The following PXDNL variants were observed in gnomAD, a reference collection of about 807,000 sequenced individuals.
PXDNL encodes probable oxidoreductase PXDNL.
A neutral mutation model predicts 150.8 loss-of-function variants in PXDNL; 145 were observed. That is an observed-to-expected ratio of 0.96 (90% confidence interval 0.84 to 1.10). The LOEUF (loss-of-function observed/expected upper bound fraction) is 1.10, where lower values mean the gene tolerates loss of function less well. Among genes scored for constraint, PXDNL ranks in the 50% least tolerant of loss-of-function variants. PXDNL has a pLI of 0.00. For synonymous variants in PXDNL, 757 were observed against 725.7 expected, an observed-to-expected ratio of 1.04 and a Z score of -0.69; for missense variants, 2,087 against 1,873.9, an observed-to-expected ratio of 1.11 and a Z score of -2.10.
At chr8:51,761,025 ATTTTTTTT>A (rs71237238) in intron 1 of PXDNL, among the ~76,000 whole-genome samples, 1 of 114,494 alleles carries the variant, frequency 8.7e-6, no homozygotes, top group Non-Finnish European at 1.7e-5. Context: ...CGCCCGGCTA[ATTTTTTTT>A]TTTTTTTTTT....
intron 16 of PXDNL, among the ~76,000 whole-genome samples, chr8:51,410,842 A>G (rs1443325435): frequency 3.3e-5 from 5 of 152,256 alleles, no homozygotes; most frequent in African/African-American, 1.2e-4. Flanking sequence ...GGGAGGTATT[A>G]TAAATATTAT....
At chr8:51,650,161 T>C (rs1215270972) in intron 2 of PXDNL, among the ~76,000 whole-genome samples, 1 of 151,070 alleles carries the variant, frequency 6.6e-6, no homozygotes, top group Non-Finnish European at 1.5e-5. Context: ...ATAGGAGTAC[T>C]GTATCTTAAA....
In PXDNL at chr8:51,530,788, A is replaced by T. The variant is rs369059720; in HGVS notation, c.380+26052T>A. On this transcript the variant is annotated intron_variant, in intron 4 of 22. Coordinates refer to ENST00000356297, the MANE Select transcript of PXDNL (RefSeq NM_144651.5). ...TACACCCTATTTAACACCACATCCCACCCTTGCACCATTTCCCAGTAGCTA... is the reference window on the plus strand; with the variant it reads ...TACACCCTATTTAACACCACATCCCTCCCTTGCACCATTTCCCAGTAGCTA... Among the ~76,000 whole-genome samples, 13 of 151,624 alleles carry T rather than the reference A, an allele frequency of 8.6e-5. No homozygotes were observed. In the East Asian group the frequency reaches 1.9e-3, roughly 23 times the overall value.
chr8:51,802,206 AAC>A (rs1174266426), intron 1 of PXDNL, among the ~76,000 whole-genome samples: 2 of 152,064 alleles, frequency 1.3e-5, no homozygotes, highest in South Asian at 2.1e-4. Context: ...GCATGCATAA[AAC>A]AGTCAGAATT....
intron 3 of PXDNL, among the ~76,000 whole-genome samples, chr8:51,574,655 A>G (rs1813012630): frequency 1.3e-5 from 2 of 152,082 alleles, no homozygotes; most frequent in Admixed American, 1.3e-4. Flanking sequence ...AAAAAAAAAG[A>G]AAATCTCGAA....
At chr8:51,560,832 G>A (rs1812701708) in intron 3 of PXDNL, among the ~76,000 whole-genome samples, 1 of 151,852 alleles carries the variant, frequency 6.6e-6, no homozygotes, top group African/African-American at 2.4e-5. Context: ...ACAGTCAGCA[G>A]AGTGAAAAGG....
chr8:51,453,866 A>G, intron 9 of PXDNL, 81 bp from the exon 10 acceptor site: 1 of 1,449,852 alleles, frequency 6.9e-7, no homozygotes, highest in Non-Finnish European at 9.3e-7. Flanking sequence ...TGGTTTTAAG[A>G]TTATTGTCAT....
chr8:51,522,759 G>A (rs551902420), intron 4 of PXDNL, among the ~76,000 whole-genome samples: 4 of 152,128 alleles, frequency 2.6e-5, no homozygotes, highest in Admixed American at 2.6e-4. Flanking sequence ...CAGGAGAATC[G>A]CTTGAACTCA....
At chr8:51,453,447 T>C (rs1809853413) in intron 10 of PXDNL, 72 bp downstream of exon 10, 1 of 1,456,316 alleles carries the variant, frequency 6.9e-7, no homozygotes, top group Admixed American at 1.7e-5. Flanking sequence ...TACATGACAT[T>C]ATTTAAGTTG....
intron 1 of PXDNL, among the ~76,000 whole-genome samples, chr8:51,802,040 C>A (rs1238736127): frequency 6.6e-6 from 1 of 152,078 alleles, no homozygotes; most frequent in African/African-American, 2.4e-5. Flanking sequence ...GCATGTCTCT[C>A]ATAGCATATG....
intron 5 of PXDNL, among the ~76,000 whole-genome samples, chr8:51,486,753 TATATATA>T (rs1810747927): frequency 3.8e-3 from 82 of 21,776 alleles, no homozygotes; most frequent in African/African-American, 0.01. Flanking sequence ...AAAAAGTTTA[TATATATA>T]TATATATATA....
intron 2 of PXDNL, among the ~76,000 whole-genome samples, chr8:51,595,568 C>T (rs1436136120): frequency 1.3e-5 from 2 of 152,000 alleles, no homozygotes; most frequent in African/African-American, 2.4e-5. Context: ...TGCTTATTTT[C>T]ATTTGGATAC....
At chr8:51,610,108 A>G (rs1245636631) in intron 2 of PXDNL, among the ~76,000 whole-genome samples, 3 of 152,202 alleles carry the variant, frequency 2.0e-5, no homozygotes, top group Admixed American at 6.5e-5. Context: ...AAGTCAAAGA[A>G]AAGAGAGCAC....
In PXDNL at chr8:51,608,002, GAAGAAAGAAAGAAAGA is replaced by G. The variant is rs71237219; in HGVS notation, c.237-15320_237-15305del. Reference sequence around the variant, plus strand: ...GGAAGGAAGAGAGAGAGGAAGGAAGGAAGAAAGAAAGAAAGAAAGAAAGAAAGAAAGAAAGAAAGAA... The same window carrying G: ...GGAAGGAAGAGAGAGAGGAAGGAAGGAAGAAAGAAAGAAAGAAAGAAAGAA... On this transcript the variant is annotated intron_variant, in intron 2 of 22. Coordinates refer to ENST00000356297, the MANE Select transcript of PXDNL (RefSeq NM_144651.5). Among the ~76,000 whole-genome samples, 25 of 64,678 alleles carry G rather than the reference GAAGAAAGAAAGAAAGA, an allele frequency of 3.9e-4. 1 individual carries two copies. The highest frequency in any genetic ancestry group is 1.5e-3 in the African/African-American group (18 of 12,030). The allele number at this position is 64,678 out of a possible 152,430, so 42.4% of individuals were successfully genotyped here. A position where few individuals can be genotyped will look rare whatever the true frequency, so the allele number is the denominator to read the frequency against.
chr8:51,700,958 TACAC>T (rs1447826917), intron 1 of PXDNL, among the ~76,000 whole-genome samples: 9 of 150,786 alleles, frequency 6.0e-5, no homozygotes, highest in Admixed American at 5.3e-4. Flanking sequence ...TACAGACACA[TACAC>T]ACATACACAA....
intron 3 of PXDNL, among the ~76,000 whole-genome samples, chr8:51,568,839 T>C (rs979524676): frequency 6.6e-6 from 1 of 151,844 alleles, no homozygotes; most frequent in Admixed American, 6.6e-5. Flanking sequence ...TATTAACATA[T>C]CACCAAGGTC....
Position 51,424,325 on chromosome 8 carries a change from T to C in PXDNL, c.1639-594A>G, listed in dbSNP as rs535880009. On this transcript the variant is annotated intron_variant, in intron 13 of 22. Coordinates refer to ENST00000356297, the MANE Select transcript of PXDNL (RefSeq NM_144651.5). ...GTGAATCTGTAATGAACTATGATCATGCCACTGTACTGTAGCCTGGGCAAC... is the reference window on the plus strand; with the variant it reads ...GTGAATCTGTAATGAACTATGATCACGCCACTGTACTGTAGCCTGGGCAAC... 3.9e-5 allele frequency among the ~76,000 whole-genome samples: 6 copies of C among 152,256 alleles called. No individual in the cohort carries two copies. The East Asian group carries it at 1.2e-3, about 29-fold the overall frequency.
intron 16 of PXDNL, among the ~76,000 whole-genome samples, chr8:51,410,463 A>G (rs372946675): frequency 1.2e-4 from 18 of 152,184 alleles, no homozygotes; most frequent in East Asian, 5.8e-4. Flanking sequence ...TTGAAAACCC[A>G]TCATACTGGG....
At chr8:51,572,580 G>A (rs1192147322) in intron 3 of PXDNL, among the ~76,000 whole-genome samples, 2 of 151,906 alleles carry the variant, frequency 1.3e-5, no homozygotes, top group African/African-American at 2.4e-5. Context: ...TATTTAATAA[G>A]TATAGTTTTT....
Sources: gnomAD v4.1 joint callset for allele counts (sites outside exome capture counted in the v4.1 genomes callset) on GRCh38, gnomAD v4.1.1 for gene constraint, MANE v1.5 for transcripts, NCBI Gene and HGNC (gene_info 2026-07-23, HGNC 2026-07-21) for gene names.